The following CFAP20DC variants were observed in gnomAD, a reference collection of about 807,000 sequenced individuals.
The protein encoded by CFAP20DC is protein CFAP20DC.
CFAP20DC carries 84 observed loss-of-function variants against 101.7 expected under a neutral mutation model. The ratio of observed to expected loss-of-function variants is 0.83; its 90% CI spans 0.69 to 0.99. CFAP20DC has a LOEUF of 0.99. Among genes scored for constraint, CFAP20DC ranks in the 50% least tolerant of loss-of-function variants. The pLI is 0.00. For missense variants in CFAP20DC, 1,007 were observed against 970.3 expected (o/e 1.04, Z -0.50); for synonymous variants, 359 against 351.2 (o/e 1.02, Z -0.25).
chr3:58,964,963 C>T lies in CFAP20DC; in HGVS notation c.279-27201G>A, dbSNP rs1024209234. On this transcript the variant is annotated intron_variant, in intron 4 of 16. Coordinates refer to ENST00000482387, the MANE Select transcript of CFAP20DC (RefSeq NM_001394063.1). This position sits in a 1 kb window ranked among gnomAD's most constrained non-coding sequence, Gnocchi z 4.1. The stretch of plus-strand genomic sequence containing the variant: ...TTCTGCCCAACCTACTACTCACATA[C>T]TCACATCTTTGGAATTTAATTCATT... Among the ~76,000 whole-genome samples, 14 of 152,198 alleles carry T rather than the reference C, an allele frequency of 9.2e-5. 1 individual carries two copies. Among genetic ancestry groups the T allele is most frequent in the Non-Finnish European group, 1.8e-4 (12 of 68,030 alleles).
Position 58,861,868 on chromosome 3 carries a change from G to A in CFAP20DC, c.1593+1690C>T. ...CCCTGCCAGTGAAAGCTTGGGTAAT[G>A]CATGATAAATTTGTTTTCAATTTTA... On this transcript the variant is annotated intron_variant, in intron 12 of 16. Coordinates refer to ENST00000482387, the MANE Select transcript of CFAP20DC (RefSeq NM_001394063.1). This position sits in a 1 kb window ranked among gnomAD's most constrained non-coding sequence, Gnocchi z 4.0. The A allele has an allele frequency of 1.0e-6, 1 of 985,378 alleles. No individual in the cohort carries two copies. The highest frequency in any genetic ancestry group is 4.7e-5 in the South Asian group (1 of 21,278). The allele number at this position is 985,378 out of a possible 1,614,324, so 61.0% of individuals were successfully genotyped here.
chr3:58,728,296 G>A lies in CFAP20DC; in HGVS notation c.198-10668C>T, dbSNP rs1357900746. Among the ~76,000 whole-genome samples the A allele has an allele frequency of 6.6e-6, 1 of 152,210 alleles. No homozygotes were observed. The highest frequency in any genetic ancestry group is 2.4e-5 in the African/African-American group (1 of 41,446). On this transcript the variant is annotated intron_variant, in intron 3 of 3. Coordinates refer to the CFAP20DC transcript ENST00000486145. This position sits in a 1 kb window ranked among gnomAD's most constrained non-coding sequence, Gnocchi z 4.7. Reference sequence around the variant, plus strand: ...TTTGCATAGGAAAATACCTTTGGCTGTCCCATTGGGGAGGAAATTGGAAGA... The same window carrying A: ...TTTGCATAGGAAAATACCTTTGGCTATCCCATTGGGGAGGAAATTGGAAGA...
At position 58,849,257 on chromosome 3, in the gene CFAP20DC, G is replaced by A; in HGVS notation, c.1746C>T (p.Ser582=). 6.5e-7 allele frequency: 1 copy of A among 1,535,996 alleles called. No homozygotes were observed. Among genetic ancestry groups the A allele is most frequent in the East Asian group, 2.4e-5 (1 of 40,914 alleles). Residue 582 remains serine, a synonymous_variant, in exon 13 of 17, where the codon AGC becomes AGT. Coordinates refer to ENST00000482387, the MANE Select transcript of CFAP20DC (RefSeq NM_001394063.1). Reference sequence around the variant, plus strand: ...CTATTTGCTCCATCGAGGAATCCTGGCTTTCTGTTGCTCCTGCTTCTGTGT... The same window carrying A: ...CTATTTGCTCCATCGAGGAATCCTGACTTTCTGTTGCTCCTGCTTCTGTGT... ...SAYTEAGATE[S]QDSSMEQIDR...
intron 15 of CFAP20DC, among the ~76,000 whole-genome samples, chr3:58,801,788 G>A (rs1019136683): frequency 2.0e-5 from 3 of 152,164 alleles, no homozygotes; most frequent in Admixed American, 2.0e-4. Context: ...AGATAATTAT[G>A]GTTATAAGTG....
At chr3:58,994,022 T>C (rs2093027776) in intron 4 of CFAP20DC, among the ~76,000 whole-genome samples, 1 of 152,210 alleles carries the variant, frequency 6.6e-6, no homozygotes, top group Admixed American at 6.5e-5. Flanking sequence ...TCTTCCACAA[T>C]GGTTGAACTA....
chr3:58,866,785 G>T, intron 10 of CFAP20DC, 97 bp from the exon 11 acceptor site: 4 of 785,932 alleles, frequency 5.1e-6, no homozygotes, highest in Non-Finnish European at 3.9e-6. Flanking sequence ...TTTACTATTT[G>T]ATCATTTAAA....
intron 3 of CFAP20DC, 52 bp downstream of exon 3, chr3:59,046,177 G>A (rs1699845424): frequency 1.6e-6 from 2 of 1,219,386 alleles, no homozygotes; most frequent in Non-Finnish European, 2.3e-6. Context: ...AGACATAAAA[G>A]CAGAACTTTG....
At chr3:59,044,816 G>A (rs1406164992) in intron 3 of CFAP20DC, among the ~76,000 whole-genome samples, 1 of 152,026 alleles carries the variant, frequency 6.6e-6, no homozygotes, top group Non-Finnish European at 1.5e-5. Flanking sequence ...TCATATTCCT[G>A]AAAGTCAAAT....
chr3:59,025,050 G>A (rs1050580186), intron 4 of CFAP20DC, among the ~76,000 whole-genome samples: 11 of 152,086 alleles, frequency 7.2e-5, no homozygotes, highest in Admixed American at 5.9e-4. Context: ...TTAATTCATT[G>A]GAAGTCTATC....
chr3:59,005,985 T>C (rs2093424144), intron 4 of CFAP20DC, among the ~76,000 whole-genome samples: 2 of 152,202 alleles, frequency 1.3e-5, no homozygotes, highest in African/African-American at 2.4e-5. Flanking sequence ...TATAGTAATT[T>C]GGGCATATAG....
chr3:58,854,045 G>C (rs575291060), intron 12 of CFAP20DC, among the ~76,000 whole-genome samples: 85 of 152,208 alleles, frequency 5.6e-4, no homozygotes, highest in Non-Finnish European at 1.0e-3. Context: ...AAGTCAAATT[G>C]TCCCTGTTTG....
intron 14 of CFAP20DC, among the ~76,000 whole-genome samples, chr3:58,826,905 G>A (rs1020416826): frequency 5.3e-5 from 8 of 152,142 alleles, no homozygotes; most frequent in African/African-American, 1.9e-4. Context: ...GGTGGGATGA[G>A]GGTTGGGGAG....
intron 4 of CFAP20DC, among the ~76,000 whole-genome samples, chr3:59,004,762 G>C (rs953512458): frequency 1.3e-5 from 2 of 152,166 alleles, no homozygotes; most frequent in African/African-American, 4.8e-5. Flanking sequence ...ATTTTCCACT[G>C]CATAATCCCC....
At position 58,824,845 on chromosome 3, in the gene CFAP20DC, T is replaced by TA. The variant is rs562795298; in HGVS notation, c.2175+6840dup. Reference sequence around the variant, plus strand: ...GTATGGGAATTCTTTTTTTTTTTTTTAAGAGATGGGGTCTCATTGTGTTAC... The same window carrying TA: ...GTATGGGAATTCTTTTTTTTTTTTTTAAAGAGATGGGGTCTCATTGTGTTAC... On this transcript the variant is annotated intron_variant, in intron 14 of 16. Coordinates refer to ENST00000482387, the MANE Select transcript of CFAP20DC (RefSeq NM_001394063.1). 2.3e-3 allele frequency among the ~76,000 whole-genome samples: 352 copies of TA among 151,774 alleles called. 2 individuals are homozygous for TA. The Middle Eastern group carries it at 0.024, about 10-fold the overall frequency.
At chr3:59,010,354 G>C (rs2093554408) in intron 4 of CFAP20DC, among the ~76,000 whole-genome samples, 1 of 152,064 alleles carries the variant, frequency 6.6e-6, no homozygotes, top group Non-Finnish European at 1.5e-5. Flanking sequence ...TTGGGTAAAG[G>C]TGTGGAAAGA....
intron 14 of CFAP20DC, among the ~76,000 whole-genome samples, chr3:58,821,551 T>C (rs1193713508): frequency 3.3e-5 from 5 of 150,182 alleles, no homozygotes; most frequent in Non-Finnish European, 3.0e-5. Flanking sequence ...AAAATGCTCA[T>C]CATCACTGGC....
intron 4 of CFAP20DC, among the ~76,000 whole-genome samples, chr3:58,961,643 C>T (rs2091144961): frequency 6.6e-6 from 1 of 151,922 alleles, no homozygotes; most frequent in African/African-American, 2.4e-5. Context: ...GCAAAGTAAC[C>T]TGGGCTAGAA....
intron 14 of CFAP20DC, chr3:58,824,525 T>C (rs1274657778): frequency 1.3e-5 from 2 of 152,066 alleles, no homozygotes; most frequent in African/African-American, 2.4e-5. Flanking sequence ...GGGAGCGAAA[T>C]GAAGGCTAAA....
chr3:58,995,975 A>AATCAATCAATCTATCT (rs370222448), intron 4 of CFAP20DC, among the ~76,000 whole-genome samples: 1 of 145,160 alleles, frequency 6.9e-6, no homozygotes, highest in Non-Finnish European at 1.5e-5. Context: ...CTGTATAATA[A>AATCAATCAATCTATCT]ATCTATCTAT....
Sources: allele counts gnomAD v4.1 joint callset (sites outside exome capture counted in the v4.1 genomes callset), GRCh38; gene constraint gnomAD v4.1.1; non-coding constraint Gnocchi (gnomAD v3.1); transcripts MANE v1.5; gene names NCBI Gene and HGNC (gene_info 2026-07-23, HGNC 2026-07-21).